SCARA3: variants seen among roughly 807,000 people sequenced by gnomAD.
The protein encoded by SCARA3 is cellular stress response gene protein.
A neutral mutation model predicts 47.0 loss-of-function variants in SCARA3; 39 were observed. The observed-to-expected ratio is 0.83, with a 90% CI of 0.64 to 1.08. The LOEUF is 1.08. Among genes scored for constraint, SCARA3 ranks in the 50% least tolerant of loss-of-function variants. The pLI, the probability that SCARA3 is intolerant of heterozygous loss-of-function variation, is 0.00. For missense variants in SCARA3, 724 were observed against 792.3 expected, an observed-to-expected ratio of 0.91 and a Z score of 1.04; for synonymous variants, 356 against 334.1, an observed-to-expected ratio of 1.07 and a Z score of -0.71.
chr8:27,672,625 G>A lies in SCARA3; in HGVS notation c.*1274G>A, dbSNP rs141271628. ...CAGCCAGCTGGACTAGGAGTGGGAAGGGCCTGGACACTCACAGAGGCCCCC... is the reference window on the plus strand; with the variant it reads ...CAGCCAGCTGGACTAGGAGTGGGAAAGGCCTGGACACTCACAGAGGCCCCC... On this transcript the variant is annotated 3_prime_UTR_variant, in exon 6 of 6. Coordinates refer to ENST00000301904, the MANE Select transcript of SCARA3 (RefSeq NM_016240.3). 18 of 985,516 alleles carry A rather than the reference G, an allele frequency of 1.8e-5. No individual in the cohort carries two copies. The highest frequency in any genetic ancestry group is 3.5e-5 in the African/African-American group (2 of 57,360). 61.0% of individuals were successfully genotyped at this position (985,516 alleles called of 1,614,324 possible). A position where few individuals can be genotyped will look rare whatever the true frequency, so the allele number is the denominator to read the frequency against.
rs568990927 is a variant in SCARA3 at position 27,672,619 on chromosome 8, T to A, written c.*1268T>A. The A allele has an allele frequency of 3.0e-6, 3 of 984,962 alleles. No individual in the cohort carries two copies. The African/African-American group carries it at 5.3e-5, about 17-fold the overall frequency. The allele number at this position is 984,962 out of a possible 1,614,324, so 61.0% of individuals were successfully genotyped here. A position where few individuals can be genotyped will look rare whatever the true frequency, so the allele number is the denominator to read the frequency against. ...CATGGGCAGCCAGCTGGACTAGGAG[T>A]GGGAAGGGCCTGGACACTCACAGAG... On this transcript the variant is annotated 3_prime_UTR_variant, in exon 6 of 6. Transcript: ENST00000301904.
chr8:27,679,577 C>G (rs1585305000), downstream of SCARA3, among the ~76,000 whole-genome samples: 1 of 152,116 alleles, frequency 6.6e-6, no homozygotes, highest in Admixed American at 6.5e-5. Context: ...CTAAAAAAAT[C>G]TATTAGATTT....
the SCARA3 span, chr8:27,733,186 G>C: frequency 6.6e-6 from 1 of 152,176 alleles, no homozygotes; most frequent in East Asian, 1.9e-4. Context: ...TGTGTGAAGG[G>C]CAGGCATCAT....
chr8:27,660,699 AT>A (rs1801888569), intron 5 of SCARA3, among the ~76,000 whole-genome samples: 1 of 148,088 alleles, frequency 6.8e-6, no homozygotes, highest in Non-Finnish European at 1.5e-5. Context: ...TAGATGATAG[AT>A]AGATAGATAG....
At chr8:27,650,342 C>T (rs149787825) in intron 2 of SCARA3, among the ~76,000 whole-genome samples, 179 of 152,208 alleles carry the variant, frequency 1.2e-3, no homozygotes, top group Non-Finnish European at 2.0e-3. Flanking sequence ...GGGGTCCTCC[C>T]GAGACCCATC....
In SCARA3 at chr8:27,658,996, G is replaced by A. The variant is rs999635738; in HGVS notation, c.826G>A (p.Val276Ile). 1.9e-6 allele frequency: 3 copies of A among 1,613,980 alleles called. No individual in the cohort carries two copies. Among genetic ancestry groups the A allele is most frequent in the Admixed American group, 1.7e-5 (1 of 60,002 alleles). Residue 276 changes from valine (V) to isoleucine (I), a missense_variant, in exon 5 of 6, where the codon GTC (valine) becomes ATC (isoleucine). Physicochemically the swap from Val to Ile is conservative, Grantham distance 29. Transcript: ENST00000301904. The stretch of plus-strand genomic sequence containing the variant: ...CACCTCCACCAAGACTGGAGAGGCG[G>A]TCAAGAACATCCAGGCCACCCTGGG... ...RTTSTKTGEA[V>I]KNIQATLGAS...
chr8:27,665,552 T>C (rs945765617), intron 5 of SCARA3, among the ~76,000 whole-genome samples: 3 of 152,222 alleles, frequency 2.0e-5, no homozygotes, highest in Non-Finnish European at 2.9e-5. Flanking sequence ...CTTTCTTTTT[T>C]GTAGAGACAG....
intron 1 of SCARA3, among the ~76,000 whole-genome samples, chr8:27,641,510 C>G (rs765512731): frequency 6.6e-6 from 1 of 152,212 alleles, no homozygotes; most frequent in African/African-American, 2.4e-5. Context: ...CTGACACTCT[C>G]CTGCAGCTCC....
downstream of SCARA3, among the ~76,000 whole-genome samples, chr8:27,680,539 T>C (rs564275725): frequency 6.6e-6 from 1 of 152,254 alleles, no homozygotes; most frequent in South Asian, 2.1e-4. Context: ...ATTTTAAAAA[T>C]TGAATTCATA....
At chr8:27,646,164 G>GT (rs1801488369) in intron 1 of SCARA3, among the ~76,000 whole-genome samples, 1 of 152,206 alleles carries the variant, frequency 6.6e-6, no homozygotes, top group African/African-American at 2.4e-5. Context: ...GGGGAGGGCT[G>GT]TGAGTTATGG....
rs574745299 is a variant in SCARA3, at chr8:27,638,324, GTGTGTGT to G, written c.7+4118_7+4124del. On this transcript the variant is annotated intron_variant, in intron 1 of 5. Coordinates refer to ENST00000301904, the MANE Select transcript of SCARA3 (RefSeq NM_016240.3). ...TGTATAATTTAGTGATTGTGTGTGT[GTGTGTGT>G]GTGTGTGTGTGTGTGTAGAGCACTG... 9.9e-3 allele frequency among the ~76,000 whole-genome samples: 1,026 copies of G among 103,894 alleles called. 14 individuals are homozygous for G. Among genetic ancestry groups the G allele is most frequent in the African/African-American group, 0.027 (968 of 35,576 alleles). 68.2% of individuals were successfully genotyped at this position (103,894 alleles called of 152,430 possible). A position where few individuals can be genotyped will look rare whatever the true frequency, so the allele number is the denominator to read the frequency against.
the SCARA3 span, among the ~76,000 whole-genome samples, chr8:27,711,462 C>G: frequency 6.6e-6 from 1 of 152,162 alleles, no homozygotes; most frequent in Non-Finnish European, 1.5e-5. Context: ...CAGTAGTCTT[C>G]CATAGTTCCC....
the SCARA3 span, among the ~76,000 whole-genome samples, chr8:27,691,714 C>T: frequency 1.4e-3 from 207 of 152,242 alleles, 3 homozygotes; most frequent in South Asian, 0.018. Context: ...GGCCCATTTC[C>T]TTGTGTGTCC....
chr8:27,692,419 C>CAA, the SCARA3 span, among the ~76,000 whole-genome samples: 13 of 127,796 alleles, frequency 1.0e-4, no homozygotes, highest in African/African-American at 3.6e-4. Flanking sequence ...AACCCTATCT[C>CAA]AAAAAAAAAA....
chr8:27,687,121 A>T, the SCARA3 span, among the ~76,000 whole-genome samples: 5 of 152,240 alleles, frequency 3.3e-5, no homozygotes, highest in African/African-American at 1.2e-4. Flanking sequence ...TTGCAGGAAC[A>T]GGCTTTTTAC....
chr8:27,668,845 A>G, intron 5 of SCARA3, among the ~76,000 whole-genome samples: 1 of 152,204 alleles, frequency 6.6e-6, no homozygotes, highest in Non-Finnish European at 1.5e-5. Context: ...CGGAAAAAGA[A>G]AGAAATCCTC....
intron 2 of SCARA3, among the ~76,000 whole-genome samples, chr8:27,650,066 C>G (rs1328073377): frequency 6.6e-6 from 1 of 152,182 alleles, no homozygotes; most frequent in African/African-American, 2.4e-5. Context: ...AACCACAGAT[C>G]ACTGCAGCCT....
chr8:27,653,753 C>T (rs747986416), intron 3 of SCARA3, among the ~76,000 whole-genome samples: 1 of 152,056 alleles, frequency 6.6e-6, no homozygotes, highest in Non-Finnish European at 1.5e-5. Flanking sequence ...CAAGAGCATA[C>T]TGGGGACCAA....
chr8:27,666,383 G>T (rs1302293359), intron 5 of SCARA3, among the ~76,000 whole-genome samples: 1 of 152,130 alleles, frequency 6.6e-6, no homozygotes, highest in Non-Finnish European at 1.5e-5. Flanking sequence ...AAGATGTTTT[G>T]GTCTTTCTCT....
Sources: allele counts gnomAD v4.1 joint callset (sites outside exome capture counted in the v4.1 genomes callset), GRCh38; gene constraint gnomAD v4.1.1; transcripts MANE v1.5; gene names NCBI Gene and HGNC (gene_info 2026-07-23, HGNC 2026-07-21).